DNM1: variants seen among roughly 807,000 people sequenced by gnomAD.
DNM1 encodes the protein dynamin-1.
Under a neutral mutation model 104.6 loss-of-function variants are expected in DNM1, and 29 were observed. The observed-to-expected ratio is 0.28, with a 90% CI of 0.21 to 0.38. The LOEUF is 0.38. DNM1 is among the 10% of genes least tolerant of loss of function. The probability of loss-of-function intolerance (pLI) is 1.00; values close to 1 mark genes in which losing one functional copy is unlikely to be tolerated. For synonymous variants in DNM1, 445 were observed against 475.8 expected, an observed-to-expected ratio of 0.94 and a Z score of 0.84; for missense variants, 640 against 1,189.4, an observed-to-expected ratio of 0.54 and a Z score of 6.79.
intron 11 of DNM1, chr9:128,234,905 G>A (rs1365050613): frequency 6.6e-6 from 1 of 152,150 alleles, no homozygotes. Context: ...CGATTCTCCT[G>A]CCTCAGCTTC....
chr9:128,233,259 G>T (rs1416612386), intron 10 of DNM1, among the ~76,000 whole-genome samples: 2 of 152,226 alleles, frequency 1.3e-5, no homozygotes, highest in Admixed American at 1.3e-4. Context: ...GAGCCGGGCA[G>T]ATGTGGCTGG....
rs1834875597 is a variant in DNM1, at chr9:128,220,516, C to T, written c.849+175C>T. ...GCCCCACAGCTAGGTAGCAGCAAAG[C>T]TTCACTGACCTTTCCCTGTCTGGGA... On this transcript the variant is annotated intron_variant, in intron 6 of 21. Coordinates refer to ENST00000372923, the MANE Select transcript of DNM1 (RefSeq NM_004408.4). The surrounding 1 kb of genome is among the most constrained non-coding windows in gnomAD (Gnocchi z 5.2). 6.6e-6 allele frequency among the ~76,000 whole-genome samples: 1 copy of T among 152,194 alleles called. No individual in the cohort carries two copies. The highest frequency in any genetic ancestry group is 2.4e-5 in the African/African-American group (1 of 41,456).
At position 128,203,492 on chromosome 9, in the gene DNM1, G is replaced by C. The variant is rs1444303998; in HGVS notation, c.22G>C (p.Asp8His). MGNRGME[D>H]LIPLVNRLQD... ...AGCCATGGGCAACCGCGGCATGGAA[G>C]ATCTCATCCCGCTGGTCAACCGGCT... The change falls in exon 1 of 22, where the codon GAT becomes CAT. Residue 8 changes from aspartate (D) to histidine (H), a missense_variant. Around this residue, in one of 7 missense-constraint regions of DNM1, gnomAD observed 172 missense variants for 335.3 expected, o/e 0.51. Coordinates refer to ENST00000372923, the MANE Select transcript of DNM1 (RefSeq NM_004408.4). The surrounding 1 kb of genome is among the most constrained non-coding windows in gnomAD (Gnocchi z 5.3). The C allele has an allele frequency of 3.9e-6, 6 of 1,527,512 alleles. No individual in the cohort carries two copies. The highest frequency in any genetic ancestry group is 5.3e-6 in the Non-Finnish European group (6 of 1,140,584). The allele number at this position is 1,527,512 out of a possible 1,614,324, so 94.6% of individuals were successfully genotyped here. A position where few individuals can be genotyped will look rare whatever the true frequency, so the allele number is the denominator to read the frequency against.
At chr9:128,250,983 C>A in intron 21 of DNM1, 43 bp downstream of exon 21, 1 of 1,206,898 alleles carries the variant, frequency 8.3e-7, no homozygotes, top group Non-Finnish European at 1.2e-6. Flanking sequence ...GCCGGACGGG[C>A]GTGGCCGGGA....
chr9:128,243,277 G>A lies in DNM1; in HGVS notation c.1671+932G>A, dbSNP rs1347415277. Among the ~76,000 whole-genome samples the A allele has an allele frequency of 6.6e-6, 1 of 152,130 alleles. No homozygotes were observed. The highest frequency in any genetic ancestry group is 2.4e-5 in the African/African-American group (1 of 41,448). ...TCTGGATTCCAGAGGTGACCAGAGA[G>A]AATGGGGAGGGCTGGGGGTGGGCTT... is the stretch of plus-strand genomic sequence containing the variant. On this transcript the variant is annotated intron_variant, in intron 15 of 21. Transcript: ENST00000372923. This position sits in a 1 kb window ranked among gnomAD's most constrained non-coding sequence, Gnocchi z 4.0.
Position 128,224,115 on chromosome 9 carries a change from G to T in DNM1, c.1197-136G>T, listed in dbSNP as rs1474108217. The T allele has an allele frequency of 6.9e-5, 77 of 1,113,788 alleles. No individual in the cohort carries two copies. The highest frequency in any genetic ancestry group is 9.4e-5 in the Non-Finnish European group (76 of 806,466). 69.0% of individuals were successfully genotyped at this position (1,113,788 alleles called of 1,614,324 possible). On this transcript the variant is annotated intron_variant, in intron 9 of 21. Coordinates refer to ENST00000372923, the MANE Select transcript of DNM1 (RefSeq NM_004408.4). The surrounding 1 kb of genome is among the most constrained non-coding windows in gnomAD (Gnocchi z 4.3). ...CCCTCCCTCCCATTTTACAACTGGG[G>T]ACACTGAGGCCCAGAGAGGGGTAGT...
chr9:128,240,776 G>A lies in DNM1; in HGVS notation c.1557+780G>A, dbSNP rs1284035771. 1 of 152,432 alleles carries A rather than the reference G, an allele frequency of 6.6e-6. No homozygotes were observed. The highest frequency in any genetic ancestry group is 1.5e-5 in the Non-Finnish European group (1 of 68,250). The allele number at this position is 152,432 out of a possible 1,614,324, so 9.4% of individuals were successfully genotyped here. On this transcript the variant is annotated intron_variant, in intron 14 of 21. Coordinates refer to ENST00000372923, the MANE Select transcript of DNM1 (RefSeq NM_004408.4). This position sits in a 1 kb window ranked among gnomAD's most constrained non-coding sequence, Gnocchi z 5.1. The stretch of plus-strand genomic sequence containing the variant: ...CCCCTGGACAGGACGTGGAGACCTG[G>A]GCCTGCTGGTAGGGCCCAGCTAAGG...
chr9:128,237,422 C>G (rs1363568444), intron 11 of DNM1, among the ~76,000 whole-genome samples: 2 of 151,864 alleles, frequency 1.3e-5, no homozygotes, highest in Non-Finnish European at 2.9e-5. Context: ...CCACCATGCC[C>G]GGCTAATTTT....
At chr9:128,225,447 G>A (rs1477328901) in intron 10 of DNM1, among the ~76,000 whole-genome samples, 1 of 152,214 alleles carries the variant, frequency 6.6e-6, no homozygotes, top group Non-Finnish European at 1.5e-5. Context: ...TACGGGAATG[G>A]ACCCCCCTGG....
intron 11 of DNM1, among the ~76,000 whole-genome samples, chr9:128,236,569 G>C (rs2131238713): frequency 6.6e-6 from 1 of 152,196 alleles, no homozygotes; most frequent in South Asian, 2.1e-4. Flanking sequence ...AACAGTTTGG[G>C]GCTCCACACA....
In DNM1 at chr9:128,254,276, A is replaced by T. The variant is rs1293725517; in HGVS notation, c.2535-378A>T. 5.1e-6 allele frequency: 7 copies of T among 1,383,030 alleles called. No homozygotes were observed. The highest frequency in any genetic ancestry group is 5.6e-6 in the Non-Finnish European group (6 of 1,078,294). The allele number at this position is 1,383,030 out of a possible 1,614,324, so 85.7% of individuals were successfully genotyped here. ...CTGTTGCATGGGGCTCCCCAAGGCA[A>T]GGGGTGGCCCCAGGCCAGTGGGTTG... On this transcript the variant is annotated intron_variant, in intron 21 of 21. Coordinates refer to ENST00000372923, the MANE Select transcript of DNM1 (RefSeq NM_004408.4). The surrounding 1 kb of genome is among the most constrained non-coding windows in gnomAD (Gnocchi z 6.1).
intron 10 of DNM1, chr9:128,226,194 G>C: frequency 6.2e-7 from 1 of 1,612,322 alleles, no homozygotes; most frequent in Non-Finnish European, 8.5e-7. Flanking sequence ...CGCCTGGGCG[G>C]GGCTGGGCCT....
Position 128,222,688 on chromosome 9 carries a change from C to T in DNM1, c.1128+92C>T. 6.3e-7 allele frequency: 1 copy of T among 1,599,314 alleles called. No individual in the cohort carries two copies. The highest frequency in any genetic ancestry group is 8.6e-7 in the Non-Finnish European group (1 of 1,169,276). ...TGCGTGTGTTTTTGCTGGCCCCCAC[C>T]CCACAGGCCCTGATGCCCAGCCCTA... On this transcript the variant is annotated intron_variant, in intron 8 of 21. Coordinates refer to ENST00000372923, the MANE Select transcript of DNM1 (RefSeq NM_004408.4). The surrounding 1 kb of genome is among the most constrained non-coding windows in gnomAD (Gnocchi z 7.8).
chr9:128,252,889 C>A, intron 21 of DNM1: 1 of 687,030 alleles, frequency 1.5e-6, no homozygotes, highest in Non-Finnish European at 2.7e-6. Context: ...CACGCGCCGC[C>A]GGCCAGTGAG....
Position 128,245,931 on chromosome 9 carries a change from A to G in DNM1, c.1672-463A>G, listed in dbSNP as rs1298612675. ...TCTCCAGGCTTGTGCTGGCTGCCTT[A>G]TTGCTAACACATGGGGAGCTCGGGG... is the stretch of plus-strand genomic sequence containing the variant. On this transcript the variant is annotated intron_variant, in intron 15 of 21. Coordinates refer to ENST00000372923, the MANE Select transcript of DNM1 (RefSeq NM_004408.4). This position sits in a 1 kb window ranked among gnomAD's most constrained non-coding sequence, Gnocchi z 5.2. 1.3e-5 allele frequency among the ~76,000 whole-genome samples: 2 copies of G among 152,224 alleles called. No individual in the cohort carries two copies. Among genetic ancestry groups the G allele is most frequent in the African/African-American group, 4.8e-5 (2 of 41,452 alleles).
Position 128,250,728 on chromosome 9 carries a change from G to T in DNM1, c.2322G>T (p.Ser774=), listed in dbSNP as rs566718787. ...CCTCGCTCCCTGTCGCCCTCAGGTC[G>T]CCCACGTCCAGCCCCACGCCGCAGC... ...QVQSVPAGRR[S]PTSSPTPQRR... is the part of the protein sequence containing the mutation. Residue 774 remains serine, a synonymous_variant, in exon 21 of 22, where the codon TCG becomes TCT. Transcript: ENST00000372923. The T allele has an allele frequency of 6.2e-6, 9 of 1,460,554 alleles. No homozygotes were observed. The African/African-American group carries it at 1.2e-4, about 19-fold the overall frequency. 90.5% of individuals were successfully genotyped at this position (1,460,554 alleles called of 1,614,324 possible). A position where few individuals can be genotyped will look rare whatever the true frequency, so the allele number is the denominator to read the frequency against.
chr9:128,233,935 C>A, intron 10 of DNM1, 86 bp from the exon 11 acceptor site: 1 of 1,241,984 alleles, frequency 8.1e-7, no homozygotes, highest in Non-Finnish European at 1.2e-6. Context: ...CACCCTGCGC[C>A]GCGGATCCCT....
intron 1 of DNM1, among the ~76,000 whole-genome samples, chr9:128,211,175 C>T (rs904073891): frequency 1.3e-5 from 2 of 151,728 alleles, no homozygotes; most frequent in African/African-American, 4.8e-5. Flanking sequence ...GTCTTAGCAG[C>T]AGAGGTAGTT....
Position 128,253,949 on chromosome 9 carries a change from C to A in DNM1, c.2535-705C>A. 1.6e-6 allele frequency: 2 copies of A among 1,233,420 alleles called. No individual in the cohort carries two copies. The highest frequency in any genetic ancestry group is 2.0e-6 in the Non-Finnish European group (2 of 988,996). 76.4% of individuals were successfully genotyped at this position (1,233,420 alleles called of 1,614,324 possible). On this transcript the variant is annotated intron_variant, in intron 21 of 21. Coordinates refer to ENST00000372923, the MANE Select transcript of DNM1 (RefSeq NM_004408.4). This position sits in a 1 kb window ranked among gnomAD's most constrained non-coding sequence, Gnocchi z 5.9. ...CCTGCTGGCCCAGCTGAGCTCCGCC[C>A]AGTGAGCCCACCCCCCATTCTCCTG...
Sources: allele counts gnomAD v4.1 joint callset (sites outside exome capture counted in the v4.1 genomes callset), GRCh38; gene constraint gnomAD v4.1.1; regional missense constraint gnomAD v4.1.1; non-coding constraint Gnocchi (gnomAD v3.1); transcripts MANE v1.5; gene names NCBI Gene and HGNC (gene_info 2026-07-23, HGNC 2026-07-21).